The following USP42 variants were observed in gnomAD, a reference collection of about 807,000 sequenced individuals.
The protein encoded by USP42 is ubiquitin carboxyl-terminal hydrolase 42.
Under a neutral mutation model 113.0 loss-of-function variants are expected in USP42, and 23 were observed. That is an observed-to-expected ratio of 0.20 (90% CI 0.15 to 0.29). USP42 has a LOEUF of 0.29. Ranked by LOEUF, USP42 falls within the 10% of genes least tolerant of loss-of-function variation. USP42 has a pLI of 1.00. For missense variants in USP42, 2,174 were observed against 1,779.8 expected, an observed-to-expected ratio of 1.22 and a Z score of -3.99; for synonymous variants, 933 against 699.0, an observed-to-expected ratio of 1.33 and a Z score of -5.28.
intron 2 of USP42, 27 bp from the exon 3 acceptor site, chr7:6,115,296 C>G: frequency 6.2e-7 from 1 of 1,610,576 alleles, no homozygotes; most frequent in South Asian, 1.1e-5. Context: ...AGCTTGGTTT[C>G]TGACTCTTTC....
rs763015831 is a variant in USP42 at position 6,157,098 on chromosome 7, T to G, written c.3943+43T>G. The G allele has an allele frequency of 2.8e-5, 42 of 1,505,958 alleles. No homozygotes were observed. Among genetic ancestry groups the G allele is most frequent in the Non-Finnish European group, 3.7e-5 (42 of 1,132,496 alleles). The allele number at this position is 1,505,958 out of a possible 1,614,324, so 93.3% of individuals were successfully genotyped here. On this transcript the variant is annotated intron_variant, in intron 16 of 17. Coordinates refer to ENST00000306177, the MANE Select transcript of USP42 (RefSeq NM_032172.3). This position sits in a 1 kb window ranked among gnomAD's most constrained non-coding sequence, Gnocchi z 4.1. The stretch of plus-strand genomic sequence containing the variant: ...GAATTAGGAAGATAGAAACTATTTC[T>G]TAATACATTTTCTTTGCAAAGGTGA...
At chr7:6,141,673 C>T (rs1003298131) in intron 7 of USP42, among the ~76,000 whole-genome samples, 16 of 151,982 alleles carry the variant, frequency 1.1e-4, no homozygotes, top group Admixed American at 9.8e-4. Flanking sequence ...TTTCCCCTGT[C>T]TCAGCCTCCC....
intron 9 of USP42, among the ~76,000 whole-genome samples, chr7:6,144,500 A>G (rs1002808481): frequency 2.0e-4 from 30 of 152,262 alleles, no homozygotes; most frequent in African/African-American, 6.7e-4. Context: ...TTTTCTTCCC[A>G]CTTTCTGAAG....
the USP42 span, among the ~76,000 whole-genome samples, chr7:6,092,033 TTC>T: frequency 1.7e-3 from 187 of 107,304 alleles, no homozygotes; most frequent in African/African-American, 2.8e-3. Context: ...CTTCTTCTTC[TTC>T]TTCTTCTTCT....
At chr7:6,126,500 T>C (rs1780552253) in intron 3 of USP42, among the ~76,000 whole-genome samples, 1 of 152,172 alleles carries the variant, frequency 6.6e-6, no homozygotes, top group Admixed American at 6.5e-5. Flanking sequence ...TTAGCCAGGA[T>C]GGTCTCTATC....
Position 6,155,149 on chromosome 7 carries a change from A to G in USP42, c.3595A>G (p.Lys1199Glu). The change falls in exon 15 of 18, where the codon AAG becomes GAG. Residue 1199 changes from lysine (K) to glutamate (E), a missense_variant. Transcript: ENST00000306177. ...EPKAKKHKKS[K>E]KKKKSKDKHR... ...TAAAGCAAAGAAGCACAAAAAATCA[A>G]AGAAGAAAAAGAAATCCAAAGACAA... 1.9e-6 allele frequency: 3 copies of G among 1,546,392 alleles called. No individual in the cohort carries two copies. Among genetic ancestry groups the G allele is most frequent in the Admixed American group, 4.1e-5 (2 of 49,240 alleles).
At chr7:6,125,574 G>C (rs1438715943) in intron 3 of USP42, among the ~76,000 whole-genome samples, 1 of 152,016 alleles carries the variant, frequency 6.6e-6, no homozygotes, top group Admixed American at 6.6e-5. Flanking sequence ...TCCCATCTTT[G>C]TGCTATTGTT....
the USP42 span, among the ~76,000 whole-genome samples, chr7:6,094,136 C>T: frequency 2.0e-5 from 3 of 150,462 alleles, no homozygotes; most frequent in African/African-American, 5.0e-5. Flanking sequence ...CCTGCCTCAG[C>T]CTCCTGAAGT....
At chr7:6,092,038 C>CTTCTT in the USP42 span, among the ~76,000 whole-genome samples, 1 of 103,772 alleles carries the variant, frequency 9.6e-6, no homozygotes, top group African/African-American at 3.6e-5. Context: ...TCTTCTTCTT[C>CTTCTT]TTCTTCTTCT....
At position 6,158,087 on chromosome 7, in the gene USP42, T is replaced by G. The variant is rs1261808068; in HGVS notation, c.3943+1032T>G. Among the ~76,000 whole-genome samples the G allele has an allele frequency of 6.6e-6, 1 of 152,238 alleles. No homozygotes were observed. The highest frequency in any genetic ancestry group is 1.5e-5 in the Non-Finnish European group (1 of 68,046). The stretch of plus-strand genomic sequence containing the variant: ...CTTTGTATGAACTTGGAGTTAAGAA[T>G]GGTTTTAACCTTTTTAAGTGGTTGG... On this transcript the variant is annotated intron_variant, in intron 16 of 17. Coordinates refer to ENST00000306177, the MANE Select transcript of USP42 (RefSeq NM_032172.3). This position sits in a 1 kb window ranked among gnomAD's most constrained non-coding sequence, Gnocchi z 4.2.
intron 14 of USP42, among the ~76,000 whole-genome samples, chr7:6,153,416 A>G (rs924070012): frequency 9.9e-5 from 15 of 152,194 alleles, no homozygotes; most frequent in South Asian, 2.1e-4. Context: ...GCTTGATGAT[A>G]TAACATTTTA....
At chr7:6,126,716 G>C (rs1203977523) in intron 3 of USP42, among the ~76,000 whole-genome samples, 1 of 152,114 alleles carries the variant, frequency 6.6e-6, no homozygotes, top group African/African-American at 2.4e-5. Context: ...CGTGAGTAGA[G>C]CTGCAGTAAA....
chr7:6,106,479 T>A (rs1263112748), intron 1 of USP42, among the ~76,000 whole-genome samples: 1 of 152,210 alleles, frequency 6.6e-6, no homozygotes. Flanking sequence ...GACTGGGAAT[T>A]TTAAAGCTTT....
chr7:6,098,283 A>G, the USP42 span, among the ~76,000 whole-genome samples: 1 of 150,284 alleles, frequency 6.7e-6, no homozygotes, highest in South Asian at 2.1e-4. Flanking sequence ...ACAAAGTGTG[A>G]GATCTGTATT....
chr7:6,150,723 A>G (rs1462828297), intron 14 of USP42, among the ~76,000 whole-genome samples: 1 of 152,160 alleles, frequency 6.6e-6, no homozygotes. Flanking sequence ...AACTTGATGT[A>G]CTCACCATGC....
chr7:6,086,349 G>T, the USP42 span, among the ~76,000 whole-genome samples: 1 of 150,544 alleles, frequency 6.6e-6, no homozygotes, highest in Non-Finnish European at 1.5e-5. Flanking sequence ...GGGACTACAG[G>T]TGCCTGCCAC....
At chr7:6,119,997 G>A (rs912977876) in intron 3 of USP42, among the ~76,000 whole-genome samples, 4 of 151,992 alleles carry the variant, frequency 2.6e-5, no homozygotes, top group Admixed American at 1.3e-4. Context: ...ACGGAGTCTC[G>A]CTCTGCCGCC....
intron 1 of USP42, among the ~76,000 whole-genome samples, chr7:6,105,512 C>T (rs1289734976): frequency 4.0e-5 from 6 of 149,840 alleles, no homozygotes; most frequent in Admixed American, 3.3e-4. Flanking sequence ...CCCGGAGCCC[C>T]CTCAGAGCCC....
rs1054125109 is a variant in USP42 at position 6,161,107 on chromosome 7, C to T, written c.*589C>T. The stretch of plus-strand genomic sequence containing the variant: ...AGTTCTGTTTTTGAACTTTGTGGAA[C>T]TGTTCCAATCAATCAATTTCCCAGT... On this transcript the variant is annotated 3_prime_UTR_variant, in exon 18 of 18. Coordinates refer to ENST00000306177, the MANE Select transcript of USP42 (RefSeq NM_032172.3). 1.4e-4 allele frequency: 22 copies of T among 152,532 alleles called. No homozygotes were observed. Among genetic ancestry groups the T allele is most frequent in the African/African-American group, 5.1e-4 (21 of 41,384 alleles). The allele number at this position is 152,532 out of a possible 1,614,324, so 9.4% of individuals were successfully genotyped here. A position where few individuals can be genotyped will look rare whatever the true frequency, so the allele number is the denominator to read the frequency against.
Sources: gnomAD v4.1 joint callset for allele counts (sites outside exome capture counted in the v4.1 genomes callset) on GRCh38, gnomAD v4.1.1 for gene constraint, Gnocchi (gnomAD v3.1) non-coding constraint, MANE v1.5 for transcripts, NCBI Gene and HGNC (gene_info 2026-07-23, HGNC 2026-07-21) for gene names.